RSRC1: variants seen among roughly 807,000 people sequenced by gnomAD.
The protein encoded by RSRC1 is serine/Arginine-related protein 53.
A neutral mutation model predicts 49.1 loss-of-function variants in RSRC1; 39 were observed. The ratio of observed to expected loss-of-function variants is 0.79; its 90% confidence interval spans 0.61 to 1.04. The LOEUF is 1.04. Ranked by LOEUF, RSRC1 falls within the 50% of genes least tolerant of loss-of-function variation. The pLI, the probability that RSRC1 is intolerant of heterozygous loss-of-function variation, is 0.00. For missense variants in RSRC1, 388 were observed against 402.4 expected (o/e 0.96, Z 0.31); for synonymous variants, 143 against 130.8 (o/e 1.09, Z -0.63).
chr3:158,326,583 C>A (rs1729161486), intron 5 of RSRC1, among the ~76,000 whole-genome samples: 1 of 152,138 alleles, frequency 6.6e-6, no homozygotes, highest in Non-Finnish European at 1.5e-5. Flanking sequence ...ATGAAGCCAA[C>A]TAGATCATGG....
At chr3:158,326,776 A>G (rs536119352) in intron 5 of RSRC1, among the ~76,000 whole-genome samples, 24 of 152,114 alleles carry the variant, frequency 1.6e-4, no homozygotes, top group East Asian at 3.9e-4. Context: ...CTCTTTTTCT[A>G]TTGATTGGAA....
intron 4 of RSRC1, among the ~76,000 whole-genome samples, chr3:158,284,001 A>T (rs182969433): frequency 1.1e-3 from 164 of 151,462 alleles, no homozygotes; most frequent in African/African-American, 3.9e-3. Context: ...TTAACTCCTC[A>T]TTTAGCATTA....
intron 6 of RSRC1, among the ~76,000 whole-genome samples, chr3:158,444,355 A>C (rs1736563718): frequency 6.6e-6 from 1 of 152,116 alleles, no homozygotes; most frequent in Non-Finnish European, 1.5e-5. Context: ...ATAATACCAC[A>C]CATCTACAAC....
intron 3 of RSRC1, among the ~76,000 whole-genome samples, chr3:158,131,615 C>T (rs577198262): frequency 1.2e-4 from 18 of 152,206 alleles, no homozygotes; most frequent in African/African-American, 2.4e-4. Flanking sequence ...GTTCACTCTC[C>T]GGGTTCTTTT....
At chr3:158,238,845 A>T (rs533555622) in intron 4 of RSRC1, among the ~76,000 whole-genome samples, 7 of 152,350 alleles carry the variant, frequency 4.6e-5, no homozygotes, top group African/African-American at 1.7e-4. Context: ...AGCAGTGGCA[A>T]CAAAAGCGGA....
At chr3:158,303,206 C>G (rs1727659662) in intron 5 of RSRC1, 1 of 152,066 alleles carries the variant, frequency 6.6e-6, no homozygotes, top group African/African-American at 2.4e-5. Context: ...ATCCTTTTCT[C>G]TTGGGAGAAG....
At chr3:158,354,004 T>G (rs1004723396) in intron 5 of RSRC1, among the ~76,000 whole-genome samples, 2 of 142,410 alleles carry the variant, frequency 1.4e-5, no homozygotes, top group African/African-American at 5.2e-5. Flanking sequence ...TCTTTTTTTT[T>G]TTTTTTTTTT....
intron 6 of RSRC1, among the ~76,000 whole-genome samples, chr3:158,415,871 G>A (rs1240088768): frequency 6.6e-6 from 1 of 151,972 alleles, no homozygotes; most frequent in African/African-American, 2.4e-5. Context: ...AATTTGAACA[G>A]ATTTGCATTG....
chr3:158,256,455 G>A (rs977092867), intron 4 of RSRC1, among the ~76,000 whole-genome samples: 2 of 152,110 alleles, frequency 1.3e-5, no homozygotes, highest in African/African-American at 2.4e-5. Flanking sequence ...TGCTGGATTT[G>A]GTTTGCCAGT....
At chr3:158,432,659 A>C (rs1236571347) in intron 6 of RSRC1, among the ~76,000 whole-genome samples, 1 of 151,950 alleles carries the variant, frequency 6.6e-6, no homozygotes, top group Non-Finnish European at 1.5e-5. Context: ...TTTTATGAAG[A>C]TTTTAGATTA....
chr3:158,382,129 T>G (rs1212880478), intron 6 of RSRC1, among the ~76,000 whole-genome samples: 3 of 152,124 alleles, frequency 2.0e-5, no homozygotes, highest in African/African-American at 7.2e-5. Flanking sequence ...ACATGCACAT[T>G]AGCCTAAACC....
chr3:158,151,292 G>A (rs1717523551), intron 3 of RSRC1, among the ~76,000 whole-genome samples: 2 of 152,136 alleles, frequency 1.3e-5, no homozygotes, highest in African/African-American at 2.4e-5. Context: ...GGATAAAAAA[G>A]TGTGATCTAA....
chr3:158,242,110 G>GC (rs1723628902), intron 4 of RSRC1, among the ~76,000 whole-genome samples: 1 of 127,822 alleles, frequency 7.8e-6, no homozygotes, highest in Non-Finnish European at 1.6e-5. Context: ...AGTTAAGTGT[G>GC]TGCCATGGTG....
intron 6 of RSRC1, among the ~76,000 whole-genome samples, chr3:158,446,456 C>G (rs1736726194): frequency 1.3e-5 from 2 of 151,740 alleles, no homozygotes; most frequent in African/African-American, 4.8e-5. Flanking sequence ...TTCAAGTATG[C>G]TGAAAACCTA....
chr3:158,361,705 C>G (rs958514335), intron 6 of RSRC1, among the ~76,000 whole-genome samples: 1 of 152,220 alleles, frequency 6.6e-6, no homozygotes, highest in Admixed American at 6.5e-5. Flanking sequence ...CTAACTTTAT[C>G]TTCTAGAATT....
chr3:158,149,762 G>A (rs1298676019), intron 3 of RSRC1, among the ~76,000 whole-genome samples: 1 of 151,998 alleles, frequency 6.6e-6, no homozygotes, highest in East Asian at 1.9e-4. Flanking sequence ...AGACCAAGGG[G>A]GCATGGCTAT....
intron 6 of RSRC1, among the ~76,000 whole-genome samples, chr3:158,441,238 A>G (rs1235878472): frequency 1.3e-5 from 2 of 152,082 alleles, no homozygotes; most frequent in African/African-American, 4.8e-5. Context: ...GGCAGTATTC[A>G]TTGAGTCATA....
chr3:158,112,237 T>C (rs1191878565), intron 1 of RSRC1, among the ~76,000 whole-genome samples: 1 of 152,270 alleles, frequency 6.6e-6, no homozygotes, highest in Admixed American at 6.5e-5. Context: ...TATCAATGTG[T>C]CTTTCCATTC....
chr3:158,143,604 T>G (rs1333663535), intron 3 of RSRC1, among the ~76,000 whole-genome samples: 1 of 152,188 alleles, frequency 6.6e-6, no homozygotes, highest in African/African-American at 2.4e-5. Context: ...TTATAAAATT[T>G]TTTTAGGCAA....
Sources: gnomAD v4.1 joint callset for allele counts (sites outside exome capture counted in the v4.1 genomes callset) on GRCh38, gnomAD v4.1.1 for gene constraint, MANE v1.5 for transcripts, NCBI Gene and HGNC (gene_info 2026-07-23, HGNC 2026-07-21) for gene names.